Variants in PKD1L3 observed in about 807,000 individuals in gnomAD.
PKD1L3 encodes the protein polycystin-1-like protein 3.
A neutral mutation model predicts 184.1 loss-of-function variants in PKD1L3; 239 were observed. That is an observed-to-expected ratio of 1.30 (90% CI 1.17 to 1.45). PKD1L3 has a LOEUF of 1.45. Ranked by LOEUF, PKD1L3 falls within the 40% of genes most tolerant of loss-of-function variation. The pLI is 0.00. For synonymous variants in PKD1L3, 996 were observed against 778.8 expected (o/e 1.28, Z -4.64); for missense variants, 2,660 against 2,067.2 (o/e 1.29, Z -5.56).
chr16:71,992,402 C>T (rs1188070944), intron 3 of PKD1L3, among the ~76,000 whole-genome samples: 9 of 152,144 alleles, frequency 5.9e-5, no homozygotes, highest in African/African-American at 1.2e-4. Context: ...CCACATGTTA[C>T]GTAAGGTAAT....
chr16:71,989,814 C>T (rs148328527), intron 4 of PKD1L3, among the ~76,000 whole-genome samples: 35 of 152,268 alleles, frequency 2.3e-4, no homozygotes, highest in South Asian at 1.7e-3. Context: ...GTGGCTCACA[C>T]GTGTAATCCC....
chr16:71,965,326 A>C (rs528191001), intron 15 of PKD1L3, among the ~76,000 whole-genome samples: 1 of 152,266 alleles, frequency 6.6e-6, no homozygotes, highest in East Asian at 1.9e-4. Context: ...GCTACTAATA[A>C]AGCTGCTATG....
intron 28 of PKD1L3, 68 bp from the exon 29 acceptor site, chr16:71,930,251 A>ATGCT: frequency 7.1e-7 from 1 of 1,407,132 alleles, no homozygotes; most frequent in South Asian, 1.6e-5. Flanking sequence ...CATAAGCTAT[A>ATGCT]TGCTAGTGTT....
chr16:71,969,210 C>T (rs1293733783), intron 13 of PKD1L3, among the ~76,000 whole-genome samples: 7 of 152,146 alleles, frequency 4.6e-5, no homozygotes, highest in African/African-American at 1.7e-4. Flanking sequence ...GGATTACAGG[C>T]GTGAGCCACT....
chr16:71,978,393 A>G lies in PKD1L3; in HGVS notation c.1399-10T>C. 6.5e-7 allele frequency: 1 copy of G among 1,544,244 alleles called. No individual in the cohort carries two copies. ...AAGCTAGTCCTGTTATCTAAAGACAAAGAGAAGCCCAGTTTTATCCATTGC... is the reference window on the plus strand; with the variant it reads ...AAGCTAGTCCTGTTATCTAAAGACAGAGAGAAGCCCAGTTTTATCCATTGC... On this transcript the variant is annotated splice_polypyrimidine_tract_variant and intron_variant, in intron 9 of 29. Transcript: ENST00000620267.
intron 11 of PKD1L3, among the ~76,000 whole-genome samples, chr16:71,975,920 G>C (rs187342779): frequency 6.6e-6 from 1 of 151,410 alleles, no homozygotes; most frequent in Admixed American, 6.6e-5. Context: ...CTACCATTCA[G>C]AGAAACTGGA....
chr16:71,950,192 A>C lies in PKD1L3; in HGVS notation c.3309T>G (p.Asp1103Glu). The C allele has an allele frequency of 6.4e-7, 1 of 1,552,336 alleles. No homozygotes were observed. The highest frequency in any genetic ancestry group is 2.4e-5 in the East Asian group (1 of 40,922). Residue 1103 changes from aspartate to glutamate, a missense_variant, in exon 20 of 30, where the codon GAT (aspartate) becomes GAG (glutamate). By Grantham distance (45) the Asp-to-Glu change is conservative (BLOSUM62 2). Coordinates refer to ENST00000620267, the MANE Select transcript of PKD1L3 (RefSeq NM_181536.2). ...TQGHQSCDFL[D>E]AASQLQKLQE... Reference sequence around the variant, plus strand: ...GGAGTTTTTGAAGTTGGCTGGCTGCATCTAGGAAGTCACAGGACTGGTGAC... The same window carrying C: ...GGAGTTTTTGAAGTTGGCTGGCTGCCTCTAGGAAGTCACAGGACTGGTGAC...
intron 1 of PKD1L3, among the ~76,000 whole-genome samples, chr16:71,998,894 A>C (rs13335854): frequency 0.041 from 6,284 of 152,212 alleles, 402 homozygotes; most frequent in African/African-American, 0.14. Flanking sequence ...CTTTATCTAC[A>C]CGTTAATGAA....
intron 12 of PKD1L3, among the ~76,000 whole-genome samples, chr16:71,971,271 A>G (rs2039698172): frequency 6.6e-6 from 1 of 152,188 alleles, no homozygotes; most frequent in Admixed American, 6.5e-5. Context: ...TGTGCATTCA[A>G]TGTTTTTTAT....
chr16:71,951,504 C>T (rs768083062), intron 19 of PKD1L3, 60 bp downstream of exon 19: 9 of 1,455,370 alleles, frequency 6.2e-6, no homozygotes, highest in Non-Finnish European at 8.3e-6. Flanking sequence ...GAAAGTAAGA[C>T]ATATGCAAGG....
intron 16 of PKD1L3, 46 bp from the exon 17 acceptor site, chr16:71,954,347 A>C (rs1217522588): frequency 7.1e-7 from 1 of 1,415,914 alleles, no homozygotes; most frequent in East Asian, 2.6e-5. Context: ...TTTTATTCTG[A>C]AAGTGCACCA....
At chr16:71,930,216 G>A (rs1222046036) in intron 28 of PKD1L3, 33 bp from the exon 29 acceptor site, 2 of 1,517,778 alleles carry the variant, frequency 1.3e-6, no homozygotes, top group African/African-American at 2.8e-5. Flanking sequence ...TGCAGTGACT[G>A]ACAATTTAGT....
In PKD1L3 at chr16:71,947,521, T is replaced by G. The variant is rs1597299750; in HGVS notation, c.3689A>C (p.Gln1230Pro). The G allele has an allele frequency of 1.3e-6, 2 of 1,536,496 alleles. No individual in the cohort carries two copies. Among genetic ancestry groups the G allele is most frequent in the East Asian group, 4.9e-5 (2 of 40,862 alleles). The change falls in exon 22 of 30, where the codon CAA becomes CCA. Residue 1230 changes from glutamine (Q) to proline (P), a missense_variant. By Grantham distance (76) the Gln-to-Pro change is moderately conservative (BLOSUM62 -1). Transcript: ENST00000620267. ...RMPRLNKENE[Q>P]QTKRILALLA... is the part of the protein sequence containing the mutation. ...GAGTGCCAAGATCCTCTTTGTTTGT[T>G]GTTCATTCTCTTTGTTAAGCCGTGG...
At chr16:71,933,612 T>C in intron 27 of PKD1L3, 91 bp from the exon 28 acceptor site, 1 of 971,484 alleles carries the variant, frequency 1.0e-6, no homozygotes, top group Middle Eastern at 2.3e-4. Context: ...ATAGAAGCAA[T>C]GGAACAGAAA....
rs2038089732 is a variant in PKD1L3 at position 71,934,089 on chromosome 16, A to G, written c.4650T>C (p.Ser1550=). ...ISFYEAVKVN[S]AATHLVGFPV... ...GGAAGCCCACAAGGTGAGTCGCAGC[A>G]GAGTTCACTTTTACTGCCTCATAGA... Residue 1550 remains serine, a synonymous_variant, in exon 27 of 30, where the codon TCT becomes TCC. Transcript: ENST00000620267. 2 of 1,551,856 alleles carry G rather than the reference A, an allele frequency of 1.3e-6. No individual in the cohort carries two copies. The highest frequency in any genetic ancestry group is 1.4e-5 in the African/African-American group (1 of 73,040).
intron 11 of PKD1L3, among the ~76,000 whole-genome samples, chr16:71,974,560 T>C (rs2039846974): frequency 6.6e-6 from 1 of 152,192 alleles, no homozygotes; most frequent in South Asian, 2.1e-4. Context: ...CATATGCGCC[T>C]GCAGTCCCAG....
At position 71,935,456 on chromosome 16, in the gene PKD1L3, TG is replaced by T. The variant is rs2038142674; in HGVS notation, c.4514del (p.Thr1505LysfsTer3). On this transcript the variant is annotated frameshift_variant, in exon 26 of 30. Coordinates refer to ENST00000620267, the MANE Select transcript of PKD1L3 (RefSeq NM_181536.2). LOFTEE classifies it high-confidence loss of function. Reference sequence around the variant, plus strand: ...GGATGAAGCTAATGAGGATTATACTTGTGTCCAGAATGTTTCTTTTCCCAGT... The same window carrying T: ...GGATGAAGCTAATGAGGATTATACTTTGTCCAGAATGTTTCTTTTCCCAGT... ...FFTGKRNILDTSIILISFILL... is the reference protein window; with the variant it reads ...FFTGKRNILDXSIILISFILL... The T allele has an allele frequency of 7.1e-6, 11 of 1,552,186 alleles. No homozygotes were observed. In the East Asian group the frequency reaches 2.7e-4, roughly 38 times the overall value.
At chr16:71,987,613 T>G (rs890769454) in intron 4 of PKD1L3, among the ~76,000 whole-genome samples, 2 of 150,884 alleles carry the variant, frequency 1.3e-5, no homozygotes, top group African/African-American at 2.4e-5. Context: ...TGACCTCAAG[T>G]GATCCGCCAC....
In PKD1L3 at chr16:71,993,331, A is replaced by G; in HGVS notation, c.420T>C (p.Gly140=). The G allele has an allele frequency of 2.6e-6, 4 of 1,538,226 alleles. No individual in the cohort carries two copies. Among genetic ancestry groups the G allele is most frequent in the Non-Finnish European group, 3.5e-6 (4 of 1,138,182 alleles). The change falls in exon 3 of 30, where the codon GGT becomes GGC. Residue 140 remains glycine (G), a splice_region_variant and synonymous_variant. Transcript: ENST00000620267. ...LLKYYFICQT[G]DFLDGDAHYE... ...AATGGGCATCTCCGTCCAAAAAGTC[A>G]CCTATTTGAAAGCCAACACACAAGT... is the stretch of plus-strand genomic sequence containing the variant.
Sources: gnomAD v4.1 joint callset for allele counts (sites outside exome capture counted in the v4.1 genomes callset) on GRCh38, gnomAD v4.1.1 for gene constraint, MANE v1.5 for transcripts, NCBI Gene and HGNC (gene_info 2026-07-23, HGNC 2026-07-21) for gene names.